LIMK1: variants seen among roughly 807,000 people sequenced by gnomAD.
The protein encoded by LIMK1 is LIM motif-containing protein kinase.
Under a neutral mutation model 77.6 loss-of-function variants are expected in LIMK1, and 21 were observed. The ratio of observed to expected loss-of-function variants is 0.27; its 90% confidence interval spans 0.19 to 0.39. The LOEUF is 0.39. Among genes scored for constraint, LIMK1 ranks in the 10% least tolerant of loss-of-function variants. The pLI, the probability that LIMK1 is intolerant of heterozygous loss-of-function variation, is 1.00. For synonymous variants in LIMK1, 358 were observed against 370.0 expected (o/e 0.97, Z 0.37); for missense variants, 696 against 901.6 (o/e 0.77, Z 2.92).
At chr7:74,105,741 C>T (rs189273825) in intron 5 of LIMK1, 134 bp from the exon 6 acceptor site, 495 of 621,776 alleles carry the variant, frequency 8.0e-4, no homozygotes, top group Admixed American at 7.4e-3. Context: ...GTGTTCTGGC[C>T]ATCTGCTACT....
At chr7:74,096,084 C>T (rs1213393269) in intron 2 of LIMK1, among the ~76,000 whole-genome samples, 2 of 151,208 alleles carry the variant, frequency 1.3e-5, no homozygotes, top group African/African-American at 2.4e-5. Context: ...TCTGCCTCAG[C>T]CTCCCGAGTA....
At chr7:74,108,473 C>T (rs1386950671) in intron 9 of LIMK1, among the ~76,000 whole-genome samples, 3 of 151,934 alleles carry the variant, frequency 2.0e-5, no homozygotes, top group African/African-American at 4.8e-5. Context: ...GGCAAAACCC[C>T]GTCTCTACTA....
intron 2 of LIMK1, among the ~76,000 whole-genome samples, chr7:74,089,363 A>T (rs1276559673): frequency 6.6e-6 from 1 of 152,080 alleles, no homozygotes; most frequent in Non-Finnish European, 1.5e-5. Context: ...TTAGCTGAGC[A>T]TGGTGGTGGT....
intron 13 of LIMK1, among the ~76,000 whole-genome samples, chr7:74,119,099 G>A (rs1400772497): frequency 5.9e-5 from 9 of 151,824 alleles, no homozygotes; most frequent in African/African-American, 2.2e-4. Flanking sequence ...GTTTCACCAT[G>A]ATCTCGATCT....
chr7:74,107,034 T>G lies in LIMK1; in HGVS notation c.906T>G (p.Ser302=), dbSNP rs782544987. The part of the protein sequence containing the change: ...PVLRSCSIDR[S]PGAGSLGSPA... ...GGAGGAGCTGCAGCATCGACAGGTC[T>G]CCGGGCGCTGGCTCACTGGGCTCCC... Residue 302 remains serine (S), a synonymous_variant, in exon 8 of 16, where the codon TCT becomes TCG. Transcript: ENST00000336180. 1 of 1,598,622 alleles carries G rather than the reference T, an allele frequency of 6.3e-7. No homozygotes were observed. The highest frequency in any genetic ancestry group is 1.7e-5 in the Admixed American group (1 of 58,278).
chr7:74,086,246 T>C (rs1799136124), intron 2 of LIMK1, among the ~76,000 whole-genome samples: 3 of 152,136 alleles, frequency 2.0e-5, no homozygotes, highest in South Asian at 2.1e-4. Flanking sequence ...GGTTTTGCCA[T>C]GTTAGCCAGG....
At position 74,121,319 on chromosome 7, in the gene LIMK1, G is replaced by T. The variant is rs1286976898; in HGVS notation, c.*18G>T. ...CCGACTGAGCCAGGGCCACTCAGCTGCCCCTGTCCCCACCTCTGGAGAATC... is the reference window on the plus strand; with the variant it reads ...CCGACTGAGCCAGGGCCACTCAGCTTCCCCTGTCCCCACCTCTGGAGAATC... On this transcript the variant is annotated 3_prime_UTR_variant, in exon 16 of 16. Coordinates refer to ENST00000336180, the MANE Select transcript of LIMK1 (RefSeq NM_002314.4). The T allele has an allele frequency of 1.9e-6, 3 of 1,561,604 alleles. No individual in the cohort carries two copies. The highest frequency in any genetic ancestry group is 2.6e-6 in the Non-Finnish European group (3 of 1,156,822).
In LIMK1 at chr7:74,122,205, T is replaced by G. The variant is rs1799955503; in HGVS notation, c.*904T>G. The G allele has an allele frequency of 1.3e-5, 2 of 152,194 alleles. No homozygotes were observed. 9.4% of individuals were successfully genotyped at this position (152,194 alleles called of 1,614,324 possible). A position where few individuals can be genotyped will look rare whatever the true frequency, so the allele number is the denominator to read the frequency against. On this transcript the variant is annotated 3_prime_UTR_variant, in exon 16 of 16. Transcript: ENST00000336180. ...GCCCCTCTGTCCTCTGCGTTTTTTC[T>G]GTGTAATCTATTTTTTAAGAAGAGT... is the stretch of plus-strand genomic sequence containing the variant.
intron 5 of LIMK1, among the ~76,000 whole-genome samples, chr7:74,099,644 C>G (rs1463183455): frequency 6.6e-6 from 1 of 152,006 alleles, no homozygotes; most frequent in Non-Finnish European, 1.5e-5. Context: ...GCAGGAGAAT[C>G]ACTTGAACCC....
At chr7:74,098,928 A>G in intron 4 of LIMK1, 104 bp from the exon 5 acceptor site, 3 of 905,434 alleles carry the variant, frequency 3.3e-6, no homozygotes, top group Non-Finnish European at 5.1e-6. Context: ...AAAAAAAAAA[A>G]AAGGAAGGGA....
Position 74,106,180 on chromosome 7 carries a change from T to C in LIMK1, c.818T>C (p.Leu273Pro). Residue 273 changes from leucine (L) to proline (P), a missense_variant, in exon 7 of 16, where the codon CTG becomes CCG. Coordinates refer to ENST00000336180, the MANE Select transcript of LIMK1 (RefSeq NM_002314.4). ...GGGCTGGGGCCTGAGACCAGCCCCC[T>C]GAGCTCTCCGGCTTATACTCCCAGC... ...GHGLGPETSP[L>P]SSPAYTPSGE... 1 of 1,613,990 alleles carries C rather than the reference T, an allele frequency of 6.2e-7. No homozygotes were observed. Among genetic ancestry groups the C allele is most frequent in the South Asian group, 1.1e-5 (1 of 91,082 alleles).
rs1554698157 is a variant in LIMK1 at position 74,109,035 on chromosome 7, T to C, written c.1283T>C (p.Met428Thr). The change falls in exon 10 of 16, where the codon ATG (methionine) becomes ACG (threonine). Residue 428 changes from methionine to threonine, a missense_variant and splice_region_variant. By Grantham distance (81) the Met-to-Thr change is moderately conservative. This residue lies in a region of LIMK1 where 438 missense variants were observed against 602.3 expected (regional missense o/e 0.73). Coordinates refer to ENST00000336180, the MANE Select transcript of LIMK1 (RefSeq NM_002314.4). ...GGTLRGIIKS[M>T]DSQYPWSQRV... ...ACGCTCCGGGGCATCATCAAGAGCA[T>C]GGTGAGTCCTGGGCAGAGCCAGCCA... 6.2e-7 allele frequency: 1 copy of C among 1,611,802 alleles called. No individual in the cohort carries two copies. Among genetic ancestry groups the C allele is most frequent in the Admixed American group, 1.7e-5 (1 of 59,718 alleles).
intron 5 of LIMK1, among the ~76,000 whole-genome samples, chr7:74,104,938 A>G (rs550799216): frequency 2.6e-5 from 4 of 152,258 alleles, no homozygotes; most frequent in Non-Finnish European, 5.9e-5. Context: ...GCCAGGTGCA[A>G]TGACTCATGT....
chr7:74,105,617 T>A (rs1554697253), intron 5 of LIMK1, among the ~76,000 whole-genome samples: 1 of 152,128 alleles, frequency 6.6e-6, no homozygotes, highest in Non-Finnish European at 1.5e-5. Flanking sequence ...TGGGAACAGC[T>A]GAGCATCTTG....
chr7:74,101,573 G>A (rs535832737), intron 5 of LIMK1, among the ~76,000 whole-genome samples: 121 of 152,148 alleles, frequency 8.0e-4, no homozygotes, highest in African/African-American at 2.8e-3. Context: ...GTAAGCATTC[G>A]CCCAGCCAAC....
chr7:74,105,941 A>G lies in LIMK1; in HGVS notation c.675A>G (p.Glu225=). The G allele has an allele frequency of 6.2e-7, 1 of 1,614,100 alleles. No individual in the cohort carries two copies. Among genetic ancestry groups the G allele is most frequent in the Non-Finnish European group, 8.5e-7 (1 of 1,180,022 alleles). ...TCCACGTCGGAGACCGGATCTTGGA[A>G]ATCAATGGCACGCCCATCCGAAATG... is the stretch of plus-strand genomic sequence containing the variant. ...NSIHVGDRIL[E]INGTPIRNVP... Residue 225 remains glutamate (E), a synonymous_variant, in exon 6 of 16, where the codon GAA becomes GAG. Transcript: ENST00000336180.
intron 2 of LIMK1, among the ~76,000 whole-genome samples, chr7:74,094,664 C>T (rs1227595721): frequency 6.6e-6 from 1 of 152,168 alleles, no homozygotes; most frequent in African/African-American, 2.4e-5. Context: ...CTTTCCCTTT[C>T]GAATTAGGTT....
chr7:74,106,052 C>G, intron 6 of LIMK1, 25 bp from the exon 7 acceptor site: 1 of 1,613,916 alleles, frequency 6.2e-7, no homozygotes, highest in East Asian at 2.2e-5. Flanking sequence ...CACTCCACCC[C>G]CATTCACATG....
chr7:74,115,528 G>A (rs782710486), intron 12 of LIMK1: 178 of 398,788 alleles, frequency 4.5e-4, no homozygotes, highest in Non-Finnish European at 5.6e-4. Context: ...GGTCCGCCAC[G>A]ACGGTCTGGG....
Sources: gnomAD v4.1 joint callset for allele counts (sites outside exome capture counted in the v4.1 genomes callset) on GRCh38, gnomAD v4.1.1 for gene constraint, gnomAD v4.1.1 regional missense constraint, MANE v1.5 for transcripts, NCBI Gene and HGNC (gene_info 2026-07-23, HGNC 2026-07-21) for gene names.